Variants in ZFHX3 observed in about 807,000 individuals in gnomAD.
The protein encoded by ZFHX3 is zinc finger homeobox protein 3.
Under a neutral mutation model 279.1 loss-of-function variants are expected in ZFHX3, and 42 were observed. The ratio of observed to expected loss-of-function variants is 0.15; its 90% CI spans 0.12 to 0.19. ZFHX3 has a LOEUF of 0.19. Ranked by LOEUF, ZFHX3 falls within the 10% of genes least tolerant of loss-of-function variation. The pLI is 1.00. For missense variants in ZFHX3, 4,981 were observed against 4,754.0 expected (o/e 1.05, Z -1.40); for synonymous variants, 2,293 against 1,957.8 (o/e 1.17, Z -4.52).
At chr16:73,556,177 A>T (rs1441144399) in intron 2 of ZFHX3, among the ~76,000 whole-genome samples, 1 of 152,338 alleles carries the variant, frequency 6.6e-6, no homozygotes, top group Non-Finnish European at 1.5e-5. Flanking sequence ...AGAGATTATC[A>T]CTGGCCTTAA....
At chr16:73,517,929 A>C (rs1175630427) in intron 2 of ZFHX3, among the ~76,000 whole-genome samples, 1 of 152,212 alleles carries the variant, frequency 6.6e-6, no homozygotes. Flanking sequence ...AGTGAAATTA[A>C]CTTTAATAAT....
intron 3 of ZFHX3, among the ~76,000 whole-genome samples, chr16:72,925,427 C>G (rs1420786698): frequency 1.3e-5 from 2 of 152,192 alleles, no homozygotes; most frequent in African/African-American, 4.8e-5. Context: ...TTCTAGAGGC[C>G]CCTGAATGCC....
At chr16:73,741,728 T>A (rs945014829) in intron 1 of ZFHX3, among the ~76,000 whole-genome samples, 1 of 152,192 alleles carries the variant, frequency 6.6e-6, no homozygotes, top group African/African-American at 2.4e-5. Flanking sequence ...TCCTTTTTTA[T>A]TCTTAAGAAA....
chr16:72,877,388 AAT>A (rs2038340748), intron 4 of ZFHX3, among the ~76,000 whole-genome samples: 2 of 151,492 alleles, frequency 1.3e-5, no homozygotes, highest in African/African-American at 4.9e-5. Context: ...TTGTTGTTAC[AAT>A]ATCTAATAGT....
At chr16:72,845,196 C>T (rs1341644704) in intron 4 of ZFHX3, among the ~76,000 whole-genome samples, 1 of 152,044 alleles carries the variant, frequency 6.6e-6, no homozygotes, top group Non-Finnish European at 1.5e-5. Context: ...TCCCCCTGCG[C>T]CCAGTGCTTG....
At position 73,109,253 on chromosome 16, in the gene ZFHX3, CA is replaced by C. The variant is rs147715904; in HGVS notation, c.-896-15656del. ...GTGCATAGGTTTCGTGTCTTTATTA[CA>C]AAAATGCAATCATAGGAAACATTTT... On this transcript the variant is annotated intron_variant, in intron 7 of 17. Coordinates refer to the ZFHX3 transcript ENST00000641206. Among the ~76,000 whole-genome samples the C allele has an allele frequency of 3.7e-4, 56 of 152,314 alleles. No individual in the cohort carries two copies. In the East Asian group the frequency reaches 9.3e-3, roughly 25 times the overall value.
At chr16:72,896,126 CAG>C (rs1459649813) in intron 3 of ZFHX3, among the ~76,000 whole-genome samples, 1 of 152,168 alleles carries the variant, frequency 6.6e-6, no homozygotes, top group Non-Finnish European at 1.5e-5. Flanking sequence ...CAGCGGATAA[CAG>C]ACTGTCCTCA....
chr16:73,228,417 C>G (rs546934406), intron 5 of ZFHX3, among the ~76,000 whole-genome samples: 1 of 152,184 alleles, frequency 6.6e-6, no homozygotes. Context: ...AATCCCAGCA[C>G]TTTGGGAGGC....
intron 2 of ZFHX3, among the ~76,000 whole-genome samples, chr16:73,529,959 A>C (rs2019768295): frequency 1.3e-5 from 2 of 152,002 alleles, no homozygotes; most frequent in African/African-American, 2.4e-5. Context: ...GTTGGGGTGG[A>C]ACCACTCCAT....
chr16:72,925,036 C>A (rs1281661980), intron 3 of ZFHX3, among the ~76,000 whole-genome samples: 1 of 152,244 alleles, frequency 6.6e-6, no homozygotes, highest in Non-Finnish European at 1.5e-5. Context: ...GAAGGCCTTA[C>A]AACGGGGACA....
intron 3 of ZFHX3, among the ~76,000 whole-genome samples, chr16:73,393,025 G>C (rs932093478): frequency 6.6e-6 from 1 of 152,164 alleles, no homozygotes; most frequent in East Asian, 1.9e-4. Context: ...AGTAGAGATG[G>C]GGTTTCACCA....
chr16:72,826,154 C>T (rs1338501474), intron 5 of ZFHX3, among the ~76,000 whole-genome samples: 2 of 152,062 alleles, frequency 1.3e-5, no homozygotes, highest in African/African-American at 4.8e-5. Flanking sequence ...TGCTGTGCTG[C>T]CACCCAGGGT....
At chr16:73,404,267 A>G (rs899212035) in intron 3 of ZFHX3, among the ~76,000 whole-genome samples, 4 of 152,108 alleles carry the variant, frequency 2.6e-5, no homozygotes, top group Non-Finnish European at 4.4e-5. Flanking sequence ...CCCTTAAGGC[A>G]CAGAAGAGGG....
At chr16:73,727,597 A>G (rs778595867) in intron 1 of ZFHX3, among the ~76,000 whole-genome samples, 1 of 152,214 alleles carries the variant, frequency 6.6e-6, no homozygotes, top group Non-Finnish European at 1.5e-5. Context: ...TGCAGCAAGT[A>G]TACGGGACTC....
At chr16:73,348,564 G>A (rs762648825) in intron 3 of ZFHX3, among the ~76,000 whole-genome samples, 12 of 152,186 alleles carry the variant, frequency 7.9e-5, no homozygotes, top group Non-Finnish European at 1.6e-4. Flanking sequence ...GGCTTCACCC[G>A]GAGAGCTTTG....
intron 8 of ZFHX3, chr16:73,092,221 C>T (rs963492146): frequency 1.3e-5 from 2 of 152,282 alleles, no homozygotes; most frequent in African/African-American, 4.8e-5. Context: ...TCTGCCACTG[C>T]GTGTTGATGG....
rs559555481 is a variant in ZFHX3, at chr16:73,599,350, A to G, written c.-1547+80830T>C. ...AAGTCTTATTACAATCTATCCAAGA[A>G]AAGTCAATCTAAAACCAGGACCAGC... is the stretch of plus-strand genomic sequence containing the variant. On this transcript the variant is annotated intron_variant, in intron 2 of 17. Coordinates refer to the ZFHX3 transcript ENST00000641206. Among the ~76,000 whole-genome samples the G allele has an allele frequency of 1.2e-3, 182 of 152,356 alleles. 1 individual carries two copies. The highest frequency in any genetic ancestry group is 4.0e-3 in the African/African-American group (168 of 41,580).
chr16:73,031,789 AAAG>A (rs1964711123), intron 1 of ZFHX3, among the ~76,000 whole-genome samples: 1 of 152,146 alleles, frequency 6.6e-6, no homozygotes, highest in Non-Finnish European at 1.5e-5. Flanking sequence ...CTCTGGCTGA[AAAG>A]AAGGCCCACT....
chr16:73,606,072 A>G (rs1412820377), intron 2 of ZFHX3, among the ~76,000 whole-genome samples: 1 of 147,204 alleles, frequency 6.8e-6, no homozygotes, highest in Admixed American at 6.9e-5. Flanking sequence ...AGTCCCAGCT[A>G]TTTGGGAGGC....
Sources: gnomAD v4.1 joint callset for allele counts (sites outside exome capture counted in the v4.1 genomes callset) on GRCh38, gnomAD v4.1.1 for gene constraint, MANE v1.5 for transcripts, NCBI Gene and HGNC (gene_info 2026-07-23, HGNC 2026-07-21) for gene names.